The following DIO2 variants were observed in gnomAD, a reference collection of about 807,000 sequenced individuals.
DIO2 encodes iodothyronine deiodinase 2, also known as type II iodothyronine deiodinase.
DIO2 carries 19 observed loss-of-function variants against 21.4 expected under a neutral mutation model. The ratio of observed to expected loss-of-function variants is 0.89; its 90% CI spans 0.62 to 1.30. The LOEUF is 1.30. Ranked by LOEUF, DIO2 falls within the 50% of genes most tolerant of loss-of-function variation. The pLI is 0.00. For synonymous variants in DIO2, 122 were observed against 132.9 expected, an observed-to-expected ratio of 0.92 and a Z score of 0.57; for missense variants, 302 against 338.1, an observed-to-expected ratio of 0.89 and a Z score of 0.84.
chr14:80,211,225 G>T (rs1450533459), intron 1 of DIO2, 26 bp downstream of exon 1: 1 of 1,596,960 alleles, frequency 6.3e-7, no homozygotes. Context: ...TAGACCTAGG[G>T]AGAAGCCCTT....
chr14:80,213,329 T>C (rs1014581122), upstream of DIO2, among the ~76,000 whole-genome samples: 2 of 152,338 alleles, frequency 1.3e-5, no homozygotes, highest in South Asian at 2.1e-4. Context: ...GAGTTTTCTA[T>C]GTAGCCAGAG....
In DIO2 at chr14:80,202,407, C is replaced by T. The variant is rs1402170878; in HGVS notation, c.*282G>A. On this transcript the variant is annotated 3_prime_UTR_variant, in exon 2 of 2. Transcript: ENST00000438257. ...CAGATGTATCAGTTCCTTCTCAATGCAGAATGAACACATGCTGAATTAGCG... is the reference window on the plus strand; with the variant it reads ...CAGATGTATCAGTTCCTTCTCAATGTAGAATGAACACATGCTGAATTAGCG... The T allele has an allele frequency of 1.5e-6, 1 of 657,936 alleles. No individual in the cohort carries two copies. The highest frequency in any genetic ancestry group is 1.8e-5 in the African/African-American group (1 of 56,772). The allele number at this position is 657,936 out of a possible 1,614,324, so 40.8% of individuals were successfully genotyped here.
At chr14:80,207,725 C>T (rs182375159) in intron 1 of DIO2, among the ~76,000 whole-genome samples, 4 of 152,310 alleles carry the variant, frequency 2.6e-5, no homozygotes, top group African/African-American at 7.2e-5. Context: ...GAATAGGCTA[C>T]GTACTCCTTC....
intron 2 of DIO2, among the ~76,000 whole-genome samples, chr14:80,222,312 G>A (rs1195559594): frequency 2.6e-5 from 4 of 152,102 alleles, no homozygotes; most frequent in East Asian, 1.9e-4. Flanking sequence ...GATAGCCAAC[G>A]TTATGAGACA....
At chr14:80,217,575 A>G (rs990516728) in intron 2 of DIO2, among the ~76,000 whole-genome samples, 1 of 152,226 alleles carries the variant, frequency 6.6e-6, no homozygotes, top group Non-Finnish European at 1.5e-5. Context: ...TTTTACATCC[A>G]GTCTCATTTA....
rs1369170857 is a variant in DIO2 at position 80,224,534 on chromosome 14, C to CACACACAA, written c.-277-7798_-277-7797insTTGTGTGT. 9.4e-5 allele frequency among the ~76,000 whole-genome samples: 14 copies of CACACACAA among 148,448 alleles called. No individual in the cohort carries two copies. The East Asian group carries it at 2.3e-3, about 24-fold the overall frequency. On this transcript the variant is annotated intron_variant, in intron 2 of 4. Transcript: ENST00000553594. ...ACACACACACACACACACACACACA[C>CACACACAA]AAGACAACAATGAGAAGATGGAACA... is the stretch of plus-strand genomic sequence containing the variant.
In DIO2 at chr14:80,203,026, T is replaced by G. The variant is rs1316649625; in HGVS notation, c.485A>C (p.Asp162Ala). ...SVADFLLVYI[D>A]EAHPSDGWAI... ...CCAGCCATCTGATGGATGAGCCTCATCAATGTAGACCAGCAGGAAGTCAGC... is the reference window on the plus strand; with the variant it reads ...CCAGCCATCTGATGGATGAGCCTCAGCAATGTAGACCAGCAGGAAGTCAGC... The change falls in exon 2 of 2, where the codon GAT (aspartate) becomes GCT (alanine). Residue 162 changes from aspartate to alanine, a missense_variant. By Grantham distance (126) the Asp-to-Ala change is moderately radical. Transcript: ENST00000438257. The G allele has an allele frequency of 6.2e-7, 1 of 1,613,812 alleles. No individual in the cohort carries two copies. The highest frequency in any genetic ancestry group is 2.2e-5 in the East Asian group (1 of 44,862).
intron 2 of DIO2, among the ~76,000 whole-genome samples, chr14:80,219,018 T>C (rs1888411872): frequency 6.6e-6 from 1 of 152,170 alleles, no homozygotes; most frequent in South Asian, 2.1e-4. Context: ...GCCAATACTT[T>C]GGGTACTACT....
chr14:80,215,270 G>A (rs528344368), upstream of DIO2, among the ~76,000 whole-genome samples: 13 of 152,290 alleles, frequency 8.5e-5, no homozygotes, highest in African/African-American at 2.4e-4. Context: ...TTGCAAAATT[G>A]TTTAACTTTT....
chr14:80,222,860 CTTT>C (rs200049777), intron 2 of DIO2, among the ~76,000 whole-genome samples: 12 of 138,780 alleles, frequency 8.6e-5, no homozygotes, highest in Non-Finnish European at 7.9e-5. Flanking sequence ...TTCTTTGTTT[CTTT>C]TTTTTTTTTT....
At chr14:80,211,196 A>T in intron 1 of DIO2, 55 bp downstream of exon 1, 10 of 1,534,648 alleles carry the variant, frequency 6.5e-6, no homozygotes, top group Non-Finnish European at 8.9e-6. Flanking sequence ...GGTCCCCAGC[A>T]TATGAGCCCC....
At chr14:80,208,895 A>G (rs888030777) in intron 1 of DIO2, among the ~76,000 whole-genome samples, 2 of 152,194 alleles carry the variant, frequency 1.3e-5, no homozygotes, top group African/African-American at 4.8e-5. Flanking sequence ...GTTTCTGGAT[A>G]TGTGGGTCCT....
chr14:80,230,794 A>G (rs916476904), intron 2 of DIO2: 1 of 152,220 alleles, frequency 6.6e-6, no homozygotes, highest in Non-Finnish European at 1.5e-5. Flanking sequence ...CATCCTTAAT[A>G]TTATGTTCCT....
chr14:80,221,750 A>G (rs922504833), intron 2 of DIO2, among the ~76,000 whole-genome samples: 2 of 152,042 alleles, frequency 1.3e-5, no homozygotes, highest in African/African-American at 4.8e-5. Flanking sequence ...TCATTCATAC[A>G]AAAAACAAGC....
chr14:80,206,150 A>G (rs1046163212), intron 1 of DIO2: 1 of 901,156 alleles, frequency 1.1e-6, no homozygotes, highest in Non-Finnish European at 1.7e-6. Flanking sequence ...ATGCTTATTC[A>G]TGAAGGTGCC....
intron 1 of DIO2, chr14:80,206,162 A>C: frequency 9.9e-7 from 1 of 1,009,652 alleles, no homozygotes; most frequent in Non-Finnish European, 1.5e-6. Context: ...GAAGGTGCCT[A>C]GGCAAGAGAA....
Position 80,200,525 on chromosome 14 carries a change from T to A in DIO2, c.*2164A>T, listed in dbSNP as rs1333653665. 1.3e-5 allele frequency: 2 copies of A among 152,302 alleles called. No homozygotes were observed. The allele number at this position is 152,302 out of a possible 1,614,324, so 9.4% of individuals were successfully genotyped here. A position where few individuals can be genotyped will look rare whatever the true frequency, so the allele number is the denominator to read the frequency against. Reference sequence around the variant, plus strand: ...GTGAATGTGCTGCAACCAGGTTTTTTATTTTACTGCTTTAGGGTTCCACGT... The same window carrying A: ...GTGAATGTGCTGCAACCAGGTTTTTAATTTTACTGCTTTAGGGTTCCACGT... On this transcript the variant is annotated 3_prime_UTR_variant, in exon 2 of 2. Coordinates refer to ENST00000438257, the MANE Select transcript of DIO2 (RefSeq NM_013989.5).
At chr14:80,213,033 A>G (rs1888263663), upstream of DIO2, among the ~76,000 whole-genome samples, 1 of 152,178 alleles carries the variant, frequency 6.6e-6, no homozygotes, top group Admixed American at 6.5e-5. Context: ...CATAACCCCT[A>G]AGAGACCTGA....
Position 80,202,823 on chromosome 14 carries a change from C to T in DIO2, c.688G>A (p.Val230Met). The stretch of plus-strand genomic sequence containing the variant: ...ATTTTCTGTCTCTGCACAATGCACA[C>T]ACGTTCAAAGGCTACCCCGTAAGCT... ...NIAYGVAFER[V>M]CIVQRQKIAY... The change falls in exon 2 of 2, where the codon GTG (valine) becomes ATG (methionine). Residue 230 changes from valine (V) to methionine (M), a missense_variant. Physicochemically the swap from Val to Met is conservative, Grantham distance 21 (BLOSUM62 1). Coordinates refer to ENST00000438257, the MANE Select transcript of DIO2 (RefSeq NM_013989.5). 1 of 1,613,938 alleles carries T rather than the reference C, an allele frequency of 6.2e-7. No individual in the cohort carries two copies. The highest frequency in any genetic ancestry group is 1.1e-5 in the South Asian group (1 of 91,084).
Sources: allele counts gnomAD v4.1 joint callset (sites outside exome capture counted in the v4.1 genomes callset), GRCh38; gene constraint gnomAD v4.1.1; transcripts MANE v1.5; gene names NCBI Gene and HGNC (gene_info 2026-07-23, HGNC 2026-07-21).